ARHGAP12: variants seen among roughly 807,000 people sequenced by gnomAD.
ARHGAP12 encodes rho GTPase-activating protein 12.
In ARHGAP12, 64 loss-of-function variants were observed where a neutral mutation model predicts 108.6. The observed-to-expected ratio is 0.59, with a 90% CI of 0.48 to 0.73. The LOEUF (loss-of-function observed/expected upper bound fraction) is 0.73. Among genes scored for constraint, ARHGAP12 ranks in the 30% least tolerant of loss-of-function variants. The pLI, the probability that ARHGAP12 is intolerant of heterozygous loss-of-function variation, is 0.00. For missense variants in ARHGAP12, 940 were observed against 1,005.9 expected (o/e 0.93, Z 0.89); for synonymous variants, 312 against 337.2 (o/e 0.93, Z 0.82).
intron 3 of ARHGAP12, among the ~76,000 whole-genome samples, chr10:31,898,468 G>A (rs1162017652): frequency 6.6e-6 from 1 of 152,126 alleles, no homozygotes; most frequent in Non-Finnish European, 1.5e-5. Context: ...TGGTGGGATG[G>A]TCCTGATCTC....
intron 3 of ARHGAP12, among the ~76,000 whole-genome samples, chr10:31,874,020 G>A (rs562823543): frequency 6.6e-6 from 1 of 152,274 alleles, no homozygotes; most frequent in South Asian, 2.1e-4. Context: ...AATGACTAAA[G>A]AATACTCTGT....
chr10:31,822,656 T>C (rs1026890331), intron 11 of ARHGAP12, among the ~76,000 whole-genome samples: 9 of 152,206 alleles, frequency 5.9e-5, no homozygotes, highest in East Asian at 5.8e-4. Context: ...CTTTACGATC[T>C]TGATTAGACC....
chr10:31,901,641 TA>T (rs1358262315), intron 3 of ARHGAP12, among the ~76,000 whole-genome samples: 4 of 150,930 alleles, frequency 2.7e-5, no homozygotes, highest in Admixed American at 2.6e-4. Flanking sequence ...TCTGTAAAAC[TA>T]AAGTTACTAT....
chr10:31,897,231 G>GACT (rs1163129314), intron 3 of ARHGAP12, among the ~76,000 whole-genome samples: 1 of 152,022 alleles, frequency 6.6e-6, no homozygotes, highest in African/African-American at 2.4e-5. Flanking sequence ...GACTTACAAA[G>GACT]ACTTAAAAGG....
At chr10:31,869,579 C>A (rs1837464626) in intron 3 of ARHGAP12, among the ~76,000 whole-genome samples, 1 of 151,914 alleles carries the variant, frequency 6.6e-6, no homozygotes, top group African/African-American at 2.4e-5. Flanking sequence ...CACCCCCTCC[C>A]CCCTAAAAAA....
At chr10:31,897,160 G>A (rs539988100) in intron 3 of ARHGAP12, among the ~76,000 whole-genome samples, 82 of 152,084 alleles carry the variant, frequency 5.4e-4, no homozygotes, top group African/African-American at 1.9e-3. Flanking sequence ...CAAGGGGAGG[G>A]AAAAAATAAC....
intron 1 of ARHGAP12, among the ~76,000 whole-genome samples, chr10:31,922,402 A>T (rs965844581): frequency 1.2e-4 from 17 of 142,464 alleles, no homozygotes; most frequent in Admixed American, 7.8e-4. Context: ...AAGTAGACAA[A>T]TTTTTTTTTT....
intron 1 of ARHGAP12, among the ~76,000 whole-genome samples, chr10:31,928,397 G>A (rs949723443): frequency 1.3e-5 from 2 of 151,748 alleles, no homozygotes; most frequent in African/African-American, 4.8e-5. Context: ...GGGCAGAGAA[G>A]CCACAACTTC....
At chr10:31,836,707 CT>C in intron 9 of ARHGAP12, among the ~76,000 whole-genome samples, 3 of 152,228 alleles carry the variant, frequency 2.0e-5, no homozygotes. Flanking sequence ...AAATATCTCC[CT>C]GTAGTAACTG....
intron 3 of ARHGAP12, among the ~76,000 whole-genome samples, chr10:31,874,664 C>T (rs1837657977): frequency 6.6e-6 from 1 of 150,840 alleles, no homozygotes; most frequent in Non-Finnish European, 1.5e-5. Flanking sequence ...ACATAATGGA[C>T]TCTATAAGTA....
intron 3 of ARHGAP12, among the ~76,000 whole-genome samples, chr10:31,892,772 T>A (rs1214922902): frequency 6.6e-6 from 1 of 152,132 alleles, no homozygotes; most frequent in African/African-American, 2.4e-5. Flanking sequence ...ATCTACAGAA[T>A]TCTCCACCCC....
At chr10:31,854,283 T>A (rs1344469717) in intron 4 of ARHGAP12, 77 bp from the exon 5 acceptor site, 16 of 1,266,148 alleles carry the variant, frequency 1.3e-5, no homozygotes, top group Non-Finnish European at 1.7e-5. Flanking sequence ...AATAAATAAA[T>A]TTTACTTGAC....
chr10:31,841,476 G>A (rs1165124149), intron 7 of ARHGAP12, among the ~76,000 whole-genome samples: 1 of 152,110 alleles, frequency 6.6e-6, no homozygotes, highest in Non-Finnish European at 1.5e-5. Context: ...TATTCAATAT[G>A]ACACTCTCTC....
At chr10:31,897,702 G>A (rs1442290917) in intron 3 of ARHGAP12, among the ~76,000 whole-genome samples, 3 of 152,126 alleles carry the variant, frequency 2.0e-5, no homozygotes, top group African/African-American at 7.2e-5. Context: ...GATATATGGT[G>A]TCTGGCTTTC....
At chr10:31,864,070 T>A (rs564214534) in intron 3 of ARHGAP12, among the ~76,000 whole-genome samples, 1 of 152,174 alleles carries the variant, frequency 6.6e-6, no homozygotes, top group African/African-American at 2.4e-5. Flanking sequence ...CCAAGTATAA[T>A]TGCTCTACTC....
In ARHGAP12 at chr10:31,901,080, C is replaced by T. The variant is rs141009560; in HGVS notation, c.684+7092G>A. Among the ~76,000 whole-genome samples the T allele has an allele frequency of 2.4e-3, 364 of 150,680 alleles. 3 individuals carry two copies. The highest frequency in any genetic ancestry group is 8.3e-3 in the African/African-American group (342 of 41,000). ...AAAAATACAAAAAATTAGCTGGGCA[C>T]GGTGGTGCACCTGTAATCCCAGCTA... On this transcript the variant is annotated intron_variant, in intron 3 of 19. Transcript: ENST00000344936.
chr10:31,830,569 TAAA>T (rs966084875), intron 10 of ARHGAP12, among the ~76,000 whole-genome samples: 1 of 149,816 alleles, frequency 6.7e-6, no homozygotes, highest in Non-Finnish European at 1.5e-5. Flanking sequence ...TCAGAGCACT[TAAA>T]AAAAAAATCT....
At chr10:31,903,386 A>T (rs1052653811) in intron 3 of ARHGAP12, among the ~76,000 whole-genome samples, 7 of 152,218 alleles carry the variant, frequency 4.6e-5, no homozygotes, top group Non-Finnish European at 1.0e-4. Flanking sequence ...TCATTGACTG[A>T]AATGTCATTA....
intron 6 of ARHGAP12, among the ~76,000 whole-genome samples, chr10:31,850,784 T>G (rs1836647431): frequency 6.6e-6 from 1 of 152,150 alleles, no homozygotes; most frequent in Non-Finnish European, 1.5e-5. Context: ...ACTGCTAAGC[T>G]ATGGTTCTTC....
Sources: gnomAD v4.1 joint callset for allele counts (sites outside exome capture counted in the v4.1 genomes callset) on GRCh38, gnomAD v4.1.1 for gene constraint, MANE v1.5 for transcripts, NCBI Gene and HGNC (gene_info 2026-07-23, HGNC 2026-07-21) for gene names.